The following CACNA2D3 variants were observed in gnomAD, a reference collection of about 807,000 sequenced individuals.
CACNA2D3 encodes calcium voltage-gated channel auxiliary subunit alpha2delta 3.
A neutral mutation model predicts 160.6 loss-of-function variants in CACNA2D3; 60 were observed. The observed-to-expected ratio is 0.37, with a 90% CI of 0.30 to 0.46. The LOEUF (loss-of-function observed/expected upper bound fraction) is 0.46. Ranked by LOEUF, CACNA2D3 falls within the 20% of genes least tolerant of loss-of-function variation. The pLI, the probability that CACNA2D3 is intolerant of heterozygous loss-of-function variation, is 1.00. For missense variants in CACNA2D3, 1,205 were observed against 1,365.0 expected, an observed-to-expected ratio of 0.88 and a Z score of 1.85; for synonymous variants, 558 against 492.9, an observed-to-expected ratio of 1.13 and a Z score of -1.75.
At chr3:54,455,765 A>G (rs921209618) in intron 4 of CACNA2D3, among the ~76,000 whole-genome samples, 11 of 152,080 alleles carry the variant, frequency 7.2e-5, no homozygotes, top group African/African-American at 2.7e-4. Context: ...GGTGAGAGAT[A>G]TGGGTTTAGT....
At chr3:54,445,553 T>TACAC (rs1371255357) in intron 4 of CACNA2D3, among the ~76,000 whole-genome samples, 4 of 32,936 alleles carry the variant, frequency 1.2e-4, no homozygotes, top group East Asian at 6.6e-4. Flanking sequence ...TATTTCTATG[T>TACAC]ATACACACAC....
chr3:54,530,355 C>T (rs902627964), intron 5 of CACNA2D3, among the ~76,000 whole-genome samples: 1 of 152,084 alleles, frequency 6.6e-6, no homozygotes, highest in Non-Finnish European at 1.5e-5. Flanking sequence ...TTTGATGAGC[C>T]CCGTGGAGCT....
chr3:54,618,359 A>ATATATATG (rs1698902469), intron 9 of CACNA2D3, among the ~76,000 whole-genome samples: 2 of 90,914 alleles, frequency 2.2e-5, no homozygotes, highest in Admixed American at 2.7e-4. Context: ...ATACATATAT[A>ATATATATG]TATATATATA....
intron 32 of CACNA2D3, 133 bp downstream of exon 32, chr3:55,004,971 T>C: frequency 2.0e-6 from 1 of 509,620 alleles, no homozygotes; most frequent in East Asian, 3.4e-5. Flanking sequence ...TTTACTCACT[T>C]AAAAAAAAAA....
intron 27 of CACNA2D3, among the ~76,000 whole-genome samples, chr3:54,912,904 T>G (rs1020791695): frequency 6.6e-6 from 1 of 152,070 alleles, no homozygotes; most frequent in Non-Finnish European, 1.5e-5. Flanking sequence ...ATGGGAGGTA[T>G]TGTAGAAGTT....
intron 27 of CACNA2D3, among the ~76,000 whole-genome samples, chr3:54,926,092 C>A (rs1217652737): frequency 6.6e-6 from 1 of 152,036 alleles, no homozygotes; most frequent in African/African-American, 2.4e-5. Context: ...TTGATTCATG[C>A]CCAATTTCTA....
chr3:54,793,746 ATGAGT>A (rs1702809208), intron 13 of CACNA2D3, among the ~76,000 whole-genome samples: 1 of 152,232 alleles, frequency 6.6e-6, no homozygotes, highest in African/African-American at 2.4e-5. Context: ...ATGTAATAAA[ATGAGT>A]TGGGATGTAT....
chr3:54,838,536 T>A (rs190364470), intron 15 of CACNA2D3, 32 bp from the exon 16 acceptor site: 1 of 1,544,184 alleles, frequency 6.5e-7, no homozygotes, highest in African/African-American at 1.4e-5. Context: ...GTTAACTTAC[T>A]GTTATTATAA....
intron 2 of CACNA2D3, among the ~76,000 whole-genome samples, chr3:54,286,130 C>T (rs531745749): frequency 7.2e-5 from 11 of 152,058 alleles, no homozygotes; most frequent in South Asian, 4.1e-4. Context: ...CAAACTACTC[C>T]GAGCTACAGG....
intron 2 of CACNA2D3, among the ~76,000 whole-genome samples, chr3:54,151,077 G>A (rs888730734): frequency 2.0e-5 from 3 of 151,802 alleles, no homozygotes; most frequent in Non-Finnish European, 4.4e-5. Flanking sequence ...ATAGATGAAT[G>A]AATGGATGCA....
chr3:54,155,519 C>A (rs1163949951), intron 2 of CACNA2D3, among the ~76,000 whole-genome samples: 5 of 152,190 alleles, frequency 3.3e-5, no homozygotes, highest in African/African-American at 7.2e-5. Context: ...GAAGGGACAA[C>A]ACTGGGAAAT....
chr3:54,193,935 T>A (rs990273147), intron 2 of CACNA2D3, among the ~76,000 whole-genome samples: 1 of 152,158 alleles, frequency 6.6e-6, no homozygotes, highest in Non-Finnish European at 1.5e-5. Flanking sequence ...GAGCTCAGGG[T>A]CTGGCCCATA....
intron 2 of CACNA2D3, among the ~76,000 whole-genome samples, chr3:54,279,046 T>C (rs956151857): frequency 6.6e-6 from 1 of 152,150 alleles, no homozygotes; most frequent in Non-Finnish European, 1.5e-5. Context: ...TAGCATTCTT[T>C]AATGTACACG....
chr3:54,621,387 A>T (rs145528709), intron 9 of CACNA2D3, among the ~76,000 whole-genome samples: 51 of 152,280 alleles, frequency 3.3e-4, no homozygotes, highest in African/African-American at 1.1e-3. Flanking sequence ...TGCTGCTGGC[A>T]TTTGGCACAG....
intron 9 of CACNA2D3, among the ~76,000 whole-genome samples, chr3:54,613,391 T>C (rs922613319): frequency 6.6e-6 from 1 of 152,242 alleles, no homozygotes; most frequent in Admixed American, 6.5e-5. Context: ...GAGCACTTAT[T>C]TCATGTCCTG....
At chr3:54,940,170 T>G (rs1701431306) in intron 27 of CACNA2D3, among the ~76,000 whole-genome samples, 1 of 152,158 alleles carries the variant, frequency 6.6e-6, no homozygotes, top group Non-Finnish European at 1.5e-5. Context: ...GTAAGAAGCA[T>G]TTGCCTGGAG....
At chr3:54,740,037 A>G (rs573617716) in intron 11 of CACNA2D3, among the ~76,000 whole-genome samples, 1 of 152,050 alleles carries the variant, frequency 6.6e-6, no homozygotes, top group Non-Finnish European at 1.5e-5. Context: ...GATGGATGGA[A>G]GGCTAGGTGG....
intron 4 of CACNA2D3, among the ~76,000 whole-genome samples, chr3:54,480,284 T>A (rs1461417112): frequency 6.6e-6 from 1 of 152,144 alleles, no homozygotes; most frequent in African/African-American, 2.4e-5. Flanking sequence ...CAGGATGTAT[T>A]TCTTTGATTT....
intron 3 of CACNA2D3, among the ~76,000 whole-genome samples, chr3:54,360,161 A>G (rs1459473171): frequency 6.6e-6 from 1 of 152,112 alleles, no homozygotes; most frequent in African/African-American, 2.4e-5. Context: ...TCATCTTTGC[A>G]CTGAAACTGC....
Sources: allele counts gnomAD v4.1 joint callset (sites outside exome capture counted in the v4.1 genomes callset), GRCh38; gene constraint gnomAD v4.1.1; transcripts MANE v1.5; gene names NCBI Gene and HGNC (gene_info 2026-07-23, HGNC 2026-07-21).